Variants in PLEKHH2 observed in about 807,000 individuals in gnomAD.
The protein encoded by PLEKHH2 is pleckstrin homology domain-containing family H member 2.
Under a neutral mutation model 187.9 loss-of-function variants are expected in PLEKHH2, and 129 were observed. The ratio of observed to expected loss-of-function variants is 0.69; its 90% confidence interval spans 0.59 to 0.79. PLEKHH2 has a LOEUF of 0.79. Among genes scored for constraint, PLEKHH2 ranks in the 30% least tolerant of loss-of-function variants. The pLI, the probability that PLEKHH2 is intolerant of heterozygous loss-of-function variation, is 0.00. For missense variants in PLEKHH2, 2,076 were observed against 1,751.2 expected, an observed-to-expected ratio of 1.19 and a Z score of -3.31; for synonymous variants, 686 against 605.6, an observed-to-expected ratio of 1.13 and a Z score of -1.95.
chr2:43,700,481 A>G lies in PLEKHH2; in HGVS notation c.1523A>G (p.Asp508Gly), dbSNP rs139855012. ...TTAGAGAATATGGACACGAGTTGTGATGATGGATTATTTTCCTATGACTCC... is the reference window on the plus strand; with the variant it reads ...TTAGAGAATATGGACACGAGTTGTGGTGATGGATTATTTTCCTATGACTCC... ...EVLENMDTSC[D>G]DGLFSYDSLD... Residue 508 changes from aspartate (D) to glycine (G), a missense_variant, in exon 8 of 30, where the codon GAT becomes GGT. By Grantham distance (94) the Asp-to-Gly change is moderately conservative. Coordinates refer to ENST00000282406, the MANE Select transcript of PLEKHH2 (RefSeq NM_172069.4). The G allele has an allele frequency of 2.0e-4, 315 of 1,614,068 alleles. No individual in the cohort carries two copies. In the African/African-American group the frequency reaches 3.8e-3, roughly 19 times the overall value.
chr2:43,753,564 T>C, intron 24 of PLEKHH2, 55 bp from the exon 25 acceptor site: 1 of 1,350,374 alleles, frequency 7.4e-7, no homozygotes. Context: ...TTATCTTTAC[T>C]TTATTTCCTT....
Position 43,748,855 on chromosome 2 carries a change from C to G in PLEKHH2, c.3653+2892C>G, listed in dbSNP as rs147983019. 5.5e-3 allele frequency among the ~76,000 whole-genome samples: 836 copies of G among 152,000 alleles called. 7 individuals are homozygous for G. Among genetic ancestry groups the G allele is most frequent in the African/African-American group, 0.019 (779 of 41,422 alleles). Reference sequence around the variant, plus strand: ...TACTGCAACCTTTGCCTCCCAGGTTCAAGCGATTTTCCTGCTTCAGCCTCC... The same window carrying G: ...TACTGCAACCTTTGCCTCCCAGGTTGAAGCGATTTTCCTGCTTCAGCCTCC... On this transcript the variant is annotated intron_variant, in intron 24 of 29. Transcript: ENST00000282406.
intron 2 of PLEKHH2, among the ~76,000 whole-genome samples, chr2:43,651,931 G>A (rs758940431): frequency 1.3e-5 from 2 of 152,086 alleles, no homozygotes; most frequent in African/African-American, 2.4e-5. Flanking sequence ...TACTTTTCAG[G>A]TTGCAAACTT....
chr2:43,758,911 A>C lies in PLEKHH2; in HGVS notation c.3953A>C (p.Gln1318Pro), dbSNP rs1452661865. The change falls in exon 27 of 30, where the codon CAG becomes CCG. Residue 1318 changes from glutamine (Q) to proline (P), a missense_variant. Gln to Pro is a moderately conservative substitution (Grantham distance 76). Coordinates refer to ENST00000282406, the MANE Select transcript of PLEKHH2 (RefSeq NM_172069.4). Reference protein sequence around the residue: ...CSEEQLRQLCQRLSTRWMALR... With the variant: ...CSEEQLRQLCPRLSTRWMALR... ...TTCTTTTTTTTTAGGCAGCTTTGCC[A>C]GCGACTTTCAACCAGATGGATGGCC... is the stretch of plus-strand genomic sequence containing the variant. 6.3e-7 allele frequency: 1 copy of C among 1,577,002 alleles called. No individual in the cohort carries two copies. Among genetic ancestry groups the C allele is most frequent in the Non-Finnish European group, 8.6e-7 (1 of 1,160,514 alleles).
chr2:43,748,622 A>G (rs1177977812), intron 24 of PLEKHH2, among the ~76,000 whole-genome samples: 1 of 152,250 alleles, frequency 6.6e-6, no homozygotes, highest in Non-Finnish European at 1.5e-5. Context: ...GATAATTCTT[A>G]CACGTGCTGG....
At position 43,742,882 on chromosome 2, in the gene PLEKHH2, T is replaced by C; in HGVS notation, c.3363T>C (p.Phe1121=). The part of the protein sequence containing the change: ...LRNPYHHSLP[F]SIPVHFMNGI... Reference sequence around the variant, plus strand: ...ACCCTTATCACCATTCTTTGCCCTTTAGTATACCTGTGCACTTCATGAATG... The same window carrying C: ...ACCCTTATCACCATTCTTTGCCCTTCAGTATACCTGTGCACTTCATGAATG... The change falls in exon 22 of 30, where the codon TTT becomes TTC. Residue 1121 remains phenylalanine (F), a synonymous_variant. Coordinates refer to ENST00000282406, the MANE Select transcript of PLEKHH2 (RefSeq NM_172069.4). 2.5e-6 allele frequency: 4 copies of C among 1,601,576 alleles called. No individual in the cohort carries two copies. The highest frequency in any genetic ancestry group is 1.1e-5 in the South Asian group (1 of 88,296).
chr2:43,660,382 TTAAG>T (rs1398030042), intron 2 of PLEKHH2, among the ~76,000 whole-genome samples: 35 of 152,118 alleles, frequency 2.3e-4, no homozygotes, highest in South Asian at 1.0e-3. Context: ...TTTATTTCTC[TTAAG>T]TAAACACCTA....
At chr2:43,704,237 G>T (rs1420351804) in intron 9 of PLEKHH2, among the ~76,000 whole-genome samples, 181 bp downstream of exon 9, 1 of 152,166 alleles carries the variant, frequency 6.6e-6, no homozygotes, top group Non-Finnish European at 1.5e-5. Flanking sequence ...ACCAGGGTCA[G>T]GGTGTGCGTG....
intron 15 of PLEKHH2, among the ~76,000 whole-genome samples, chr2:43,714,981 G>A (rs887576492): frequency 6.6e-6 from 1 of 152,094 alleles, no homozygotes; most frequent in Admixed American, 6.5e-5. Context: ...GAGACAGCGC[G>A]AATGAAGGCT....
chr2:43,678,737 A>C, intron 2 of PLEKHH2, 126 bp from the exon 3 acceptor site: 1 of 412,116 alleles, frequency 2.4e-6, no homozygotes, highest in Admixed American at 3.3e-5. Flanking sequence ...TAGAGGTGGA[A>C]GTGGAGGTGG....
chr2:43,654,950 C>T (rs1004389028), intron 2 of PLEKHH2, among the ~76,000 whole-genome samples: 9 of 152,040 alleles, frequency 5.9e-5, no homozygotes, highest in African/African-American at 2.2e-4. Context: ...TTGCTTGAAC[C>T]TGGGAGATGG....
intron 9 of PLEKHH2, among the ~76,000 whole-genome samples, chr2:43,705,218 A>G (rs1255352082): frequency 7.8e-6 from 1 of 127,778 alleles, no homozygotes; most frequent in Non-Finnish European, 1.7e-5. Context: ...CTGTTCAGCT[A>G]TCTGCAGTTC....
In PLEKHH2 at chr2:43,700,615, A is replaced by G. The variant is rs1669315510; in HGVS notation, c.1650+7A>G. ...GCACCGTTTTCCTTCTTGGGTAATTATATCACCGCATGTAACACATACGCA... is the reference window on the plus strand; with the variant it reads ...GCACCGTTTTCCTTCTTGGGTAATTGTATCACCGCATGTAACACATACGCA... On this transcript the variant is annotated splice_region_variant and intron_variant, in intron 8 of 29. Transcript: ENST00000282406. 1.9e-6 allele frequency: 3 copies of G among 1,599,674 alleles called. No homozygotes were observed. Among genetic ancestry groups the G allele is most frequent in the Non-Finnish European group, 2.6e-6 (3 of 1,176,330 alleles).
intron 3 of PLEKHH2, among the ~76,000 whole-genome samples, chr2:43,685,348 G>GA (rs976934182): frequency 6.6e-6 from 1 of 152,126 alleles, no homozygotes; most frequent in Non-Finnish European, 1.5e-5. Flanking sequence ...ATTGTCTGCA[G>GA]AAAAAAAGTC....
At chr2:43,746,888 T>C (rs1671799987) in intron 24 of PLEKHH2, among the ~76,000 whole-genome samples, 2 of 151,498 alleles carry the variant, frequency 1.3e-5, no homozygotes, top group Admixed American at 6.6e-5. Flanking sequence ...GCGAATGGCA[T>C]GAACCCGGGA....
At chr2:43,730,301 G>T (rs1442058264) in intron 18 of PLEKHH2, among the ~76,000 whole-genome samples, 1 of 152,190 alleles carries the variant, frequency 6.6e-6, no homozygotes, top group African/African-American at 2.4e-5. Flanking sequence ...TATCATTAGT[G>T]TTTATATATT....
chr2:43,729,528 G>T, intron 17 of PLEKHH2, 109 bp from the exon 18 acceptor site: 1 of 592,228 alleles, frequency 1.7e-6, no homozygotes, highest in South Asian at 4.2e-5. Context: ...AAAAATTAAA[G>T]CAAGTGGTTC....
In PLEKHH2 at chr2:43,765,917, C is replaced by T. The variant is rs1240730968; in HGVS notation, c.*319C>T. The T allele has an allele frequency of 1.3e-5, 3 of 230,334 alleles. No individual in the cohort carries two copies. Among genetic ancestry groups the T allele is most frequent in the South Asian group, 1.7e-4 (1 of 5,854 alleles). The allele number at this position is 230,334 out of a possible 1,614,324, so 14.3% of individuals were successfully genotyped here. A position where few individuals can be genotyped will look rare whatever the true frequency, so the allele number is the denominator to read the frequency against. On this transcript the variant is annotated 3_prime_UTR_variant, in exon 30 of 30. Transcript: ENST00000282406. ...GCTTTTCTTTTCTTTTCTTTTTTTCCCCTTTTTAATATTCTGGCAATCTTT... is the reference window on the plus strand; with the variant it reads ...GCTTTTCTTTTCTTTTCTTTTTTTCTCCTTTTTAATATTCTGGCAATCTTT...
At chr2:43,677,548 A>C (rs2104420251) in intron 2 of PLEKHH2, among the ~76,000 whole-genome samples, 1 of 152,056 alleles carries the variant, frequency 6.6e-6, no homozygotes, top group Non-Finnish European at 1.5e-5. Flanking sequence ...CCCAAGGCAG[A>C]AGAATTTTTC....
Sources: gnomAD v4.1 joint callset for allele counts (sites outside exome capture counted in the v4.1 genomes callset) on GRCh38, gnomAD v4.1.1 for gene constraint, MANE v1.5 for transcripts, NCBI Gene and HGNC (gene_info 2026-07-23, HGNC 2026-07-21) for gene names.